Variants in ABCC6 observed in about 807,000 individuals in gnomAD.
The protein encoded by ABCC6 is ATP-binding cassette sub-family C member 6.
A neutral mutation model predicts 169.5 loss-of-function variants in ABCC6; 126 were observed. The ratio of observed to expected loss-of-function variants is 0.74; its 90% CI spans 0.64 to 0.86. The LOEUF is 0.86. ABCC6 is among the 40% of genes least tolerant of loss of function. ABCC6 has a pLI of 0.00. For missense variants in ABCC6, 1,733 were observed against 1,927.2 expected, an observed-to-expected ratio of 0.90 and a Z score of 1.89; for synonymous variants, 752 against 814.7, an observed-to-expected ratio of 0.92 and a Z score of 1.31.
Position 16,159,715 on chromosome 16 carries a change from G to A in ABCC6, c.3634-132C>T, listed in dbSNP as rs184430628. 3,874 of 765,896 alleles carry A rather than the reference G, an allele frequency of 5.1e-3. 24 individuals carry two copies. Among genetic ancestry groups the A allele is most frequent in the Non-Finnish European group, 5.1e-3 (2,272 of 442,222 alleles). The allele number at this position is 765,896 out of a possible 1,614,324, so 47.4% of individuals were successfully genotyped here. A position where few individuals can be genotyped will look rare whatever the true frequency, so the allele number is the denominator to read the frequency against. ...AAAGAGGGGAGGCAGGAATGGGACA[G>A]TCTGAGGACCTGGGCCCAGGGGATT... On this transcript the variant is annotated intron_variant, in intron 25 of 30. Coordinates refer to ENST00000205557, the MANE Select transcript of ABCC6 (RefSeq NM_001171.6).
chr16:16,168,949 T>G (rs1227214747), intron 22 of ABCC6, among the ~76,000 whole-genome samples: 1 of 151,898 alleles, frequency 6.6e-6, no homozygotes, highest in African/African-American at 2.4e-5. Context: ...GGCTGCACAC[T>G]TGTAATCCCA....
Position 16,215,441 on chromosome 16 carries a change from GTGT to G in ABCC6, c.475-995_475-993del, listed in dbSNP as rs1567544864. Among the ~76,000 whole-genome samples the G allele has an allele frequency of 4.4e-4, 14 of 31,718 alleles. No individual in the cohort carries two copies. The East Asian group carries it at 0.013, about 29-fold the overall frequency. The allele number at this position is 31,718 out of a possible 152,430, so 20.8% of individuals were successfully genotyped here. A position where few individuals can be genotyped will look rare whatever the true frequency, so the allele number is the denominator to read the frequency against. On this transcript the variant is annotated intron_variant, in intron 4 of 30. Transcript: ENST00000205557. The stretch of plus-strand genomic sequence containing the variant: ...CATTTTTTATTTTTTAATTTTAGGT[GTGT>G]GTGTGTGTGTGTGTGTGTGTGTGTG...
chr16:16,166,052 G>T, intron 22 of ABCC6, 119 bp from the exon 23 acceptor site: 1 of 1,013,172 alleles, frequency 9.9e-7, no homozygotes, highest in Non-Finnish European at 1.5e-6. Context: ...TGGCCACCCT[G>T]ATTATTATAT....
chr16:16,159,494 C>T lies in ABCC6; in HGVS notation c.3723G>A (p.Trp1241Ter). ...TCCCGCCCATCACCTCCTTGGGCGT[C>T]CAGGCATAGTCCTGCATCCGCTCCA... is the stretch of plus-strand genomic sequence containing the variant. ...VSVERMQDYAWTPKEAPWRLP... is the reference protein window; with the variant it reads ...VSVERMQDYA The change falls in exon 26 of 31, where the codon TGG becomes TGA. Residue 1241 changes from tryptophan to a stop codon, truncating the protein, a stop_gained. Coordinates refer to ENST00000205557, the MANE Select transcript of ABCC6 (RefSeq NM_001171.6). LOFTEE classifies it high-confidence loss of function. 1 of 1,614,050 alleles carries T rather than the reference C, an allele frequency of 6.2e-7. No individual in the cohort carries two copies. Among genetic ancestry groups the T allele is most frequent in the Non-Finnish European group, 8.5e-7 (1 of 1,179,990 alleles).
At chr16:16,187,962 T>A (rs2047707352) in intron 13 of ABCC6, among the ~76,000 whole-genome samples, 1 of 151,696 alleles carries the variant, frequency 6.6e-6, no homozygotes, top group South Asian at 2.1e-4. Flanking sequence ...CCAGGCGCGG[T>A]GGCTCATGCC....
intron 12 of ABCC6, 44 bp from the exon 13 acceptor site, chr16:16,189,018 A>G (rs781631489): frequency 1.1e-5 from 18 of 1,609,288 alleles, no homozygotes; most frequent in Non-Finnish European, 1.4e-5. Context: ...GAGACACGCA[A>G]GCATGGATAG....
chr16:16,215,478 CTT>C (rs751394105), intron 4 of ABCC6, among the ~76,000 whole-genome samples: 6 of 114,802 alleles, frequency 5.2e-5, no homozygotes, highest in African/African-American at 1.3e-4. Flanking sequence ...TGTGTGTATA[CTT>C]TTTTTTTTTT....
intron 18 of ABCC6, among the ~76,000 whole-genome samples, chr16:16,178,168 A>G (rs2047346709): frequency 6.6e-6 from 1 of 151,974 alleles, no homozygotes; most frequent in South Asian, 2.1e-4. Flanking sequence ...TCTACTAAAA[A>G]TACAAAAAAT....
chr16:16,153,847 C>A (rs961765137), intron 29 of ABCC6, among the ~76,000 whole-genome samples: 2 of 148,658 alleles, frequency 1.3e-5, no homozygotes, highest in Non-Finnish European at 3.0e-5. Flanking sequence ...GAGGTTGCAG[C>A]GAGCCTTGAC....
chr16:16,154,776 C>G lies in ABCC6; in HGVS notation c.4060G>C (p.Gly1354Arg), dbSNP rs63750018. Residue 1354 changes from glycine (G) to arginine (R), a missense_variant, in exon 29 of 31, where the codon GGC becomes CGC. Transcript: ENST00000205557. ...IIPQDPILFP[G>R]SLRMNLDLLQ... ...AGGTCGAGGTTCATCCGCAGAGAGCCAGGGAACAGGATGGGGTCCTGGCGG... is the reference window on the plus strand; with the variant it reads ...AGGTCGAGGTTCATCCGCAGAGAGCGAGGGAACAGGATGGGGTCCTGGCGG... 1.2e-6 allele frequency: 2 copies of G among 1,612,438 alleles called. No individual in the cohort carries two copies. The highest frequency in any genetic ancestry group is 8.5e-7 in the Non-Finnish European group (1 of 1,179,434).
intron 14 of ABCC6, among the ~76,000 whole-genome samples, chr16:16,186,871 G>C (rs1041494859): frequency 2.0e-5 from 3 of 152,148 alleles, no homozygotes; most frequent in African/African-American, 4.8e-5. Flanking sequence ...CACTGTGTTA[G>C]AGTGTTCCCT....
intron 22 of ABCC6, 53 bp from the exon 23 acceptor site, chr16:16,165,986 C>T: frequency 6.4e-7 from 1 of 1,571,690 alleles, no homozygotes; most frequent in Non-Finnish European, 8.7e-7. Flanking sequence ...TCAGGAGCGG[C>T]CCACGGGGCC....
chr16:16,165,696 A>T lies in ABCC6; in HGVS notation c.3233T>A (p.Leu1078Gln). 1 of 1,613,316 alleles carries T rather than the reference A, an allele frequency of 6.2e-7. No homozygotes were observed. The highest frequency in any genetic ancestry group is 8.5e-7 in the Non-Finnish European group (1 of 1,180,022). Residue 1078 changes from leucine (L) to glutamine (Q), a missense_variant, in exon 23 of 31, where the codon CTG becomes CAG. Physicochemically the swap from Leu to Gln is moderately radical, Grantham distance 113. This residue lies in a region of ABCC6 where 1,601 missense variants were observed against 1,635.5 expected (regional missense o/e 0.98). Transcript: ENST00000205557. ...CAGTGGGGTAGCCACTGCCACCACC[A>T]GGCTGACCTCCAGGAGTCCAAAGGC... Reference protein sequence around the residue: ...MYAFGLLEVSLVVAVATPLAT... With the variant: ...MYAFGLLEVSQVVAVATPLAT...
In ABCC6 at chr16:16,190,371, G is replaced by A. The variant is rs1328555119; in HGVS notation, c.1432-4C>T. ...CCTTCTGCCTCATTTGCTCCTCCTG[G>A]GATCGGAGGGAAAAAGAGAGATGAA... On this transcript the variant is annotated splice_region_variant and splice_polypyrimidine_tract_variant and intron_variant, in intron 11 of 30. Transcript: ENST00000205557. 14 of 1,613,964 alleles carry A rather than the reference G, an allele frequency of 8.7e-6. No homozygotes were observed. Among genetic ancestry groups the A allele is most frequent in the African/African-American group, 1.3e-5 (1 of 75,004 alleles).
At chr16:16,169,589 T>C (rs2046991970) in intron 22 of ABCC6, 57 bp downstream of exon 22, 1 of 1,591,236 alleles carries the variant, frequency 6.3e-7, no homozygotes, top group Non-Finnish European at 8.6e-7. Flanking sequence ...AAAGGAGTCC[T>C]GAGCACCCCT....
At chr16:16,209,258 AT>A (rs550450427) in intron 6 of ABCC6, among the ~76,000 whole-genome samples, 1 of 151,910 alleles carries the variant, frequency 6.6e-6, no homozygotes, top group East Asian at 1.9e-4. Flanking sequence ...TAATTTTTGT[AT>A]TTTTTGTAGA....
At chr16:16,162,917 T>C (rs2046764983) in intron 24 of ABCC6, 76 bp downstream of exon 24, 3 of 1,591,734 alleles carry the variant, frequency 1.9e-6, no homozygotes, top group East Asian at 2.2e-5. Context: ...CTCTCTACCA[T>C]ACAATATGAC....
chr16:16,173,525 C>A, intron 20 of ABCC6, 121 bp from the exon 21 acceptor site: 1 of 1,213,754 alleles, frequency 8.2e-7, no homozygotes, highest in Non-Finnish European at 1.2e-6. Context: ...CTCTTTCATT[C>A]ATTCATTTAT....
chr16:16,174,907 C>G (rs1046939160), intron 20 of ABCC6, among the ~76,000 whole-genome samples: 1 of 151,224 alleles, frequency 6.6e-6, no homozygotes, highest in African/African-American at 2.4e-5. Context: ...ACTACAGGCA[C>G]ATGCCACCAC....
Sources: gnomAD v4.1 joint callset for allele counts (sites outside exome capture counted in the v4.1 genomes callset) on GRCh38, gnomAD v4.1.1 for gene constraint, gnomAD v4.1.1 regional missense constraint, MANE v1.5 for transcripts, NCBI Gene and HGNC (gene_info 2026-07-23, HGNC 2026-07-21) for gene names.